Variants in SLC13A3 observed in about 807,000 individuals in gnomAD.
SLC13A3 encodes Na(+)/dicarboxylate cotransporter 3.
A neutral mutation model predicts 59.0 loss-of-function variants in SLC13A3; 40 were observed. The ratio of observed to expected loss-of-function variants is 0.68; its 90% CI spans 0.53 to 0.88. SLC13A3 has a LOEUF of 0.88. Among genes scored for constraint, SLC13A3 ranks in the 40% least tolerant of loss-of-function variants. The pLI is 0.00. For missense variants in SLC13A3, 699 were observed against 783.2 expected (o/e 0.89, Z 1.28); for synonymous variants, 317 against 330.3 (o/e 0.96, Z 0.44).
intron 8 of SLC13A3, chr20:46,585,410 A>G: frequency 2.0e-6 from 2 of 994,856 alleles, no homozygotes. Flanking sequence ...TTGAAATTCA[A>G]TACAAAATTA....
chr20:46,587,098 G>A (rs1011415079), intron 8 of SLC13A3, among the ~76,000 whole-genome samples: 4 of 152,222 alleles, frequency 2.6e-5, no homozygotes, highest in Middle Eastern at 3.4e-3. Flanking sequence ...AAAAGACACG[G>A]GCCATCTAGA....
intron 6 of SLC13A3, among the ~76,000 whole-genome samples, chr20:46,590,550 T>G (rs2062242889): frequency 6.6e-6 from 1 of 152,192 alleles, no homozygotes; most frequent in South Asian, 2.1e-4. Context: ...AGAAAATACC[T>G]ATGAACAAAC....
chr20:46,651,541 G>T, upstream of SLC13A3: 1 of 1,318,418 alleles, frequency 7.6e-7, no homozygotes, highest in African/African-American at 1.5e-5. Context: ...CCCTCTCCCT[G>T]CTCCTCCTGG....
Position 46,596,320 on chromosome 20 carries a change from C to T in SLC13A3, c.631G>A (p.Glu211Lys), listed in dbSNP as rs2062312457. Residue 211 changes from glutamate (E) to lysine (K), a missense_variant, in exon 5 of 13, where the codon GAG (glutamate) becomes AAG (lysine). Transcript: ENST00000279027. ...TCAGCCGGCAGATCCAGTGGAACCTCTGTCTCCCCAGGGTGGTCTTTGCTT... is the reference window on the plus strand; with the variant it reads ...TCAGCCGGCAGATCCAGTGGAACCTTTGTCTCCCCAGGGTGGTCTTTGCTT... ...TEAKDHPGET[E>K]VPLDLPADSR... 1.2e-6 allele frequency: 2 copies of T among 1,614,188 alleles called. No individual in the cohort carries two copies. Among genetic ancestry groups the T allele is most frequent in the African/African-American group, 2.7e-5 (2 of 75,048 alleles).
chr20:46,620,624 T>C (rs928084205), intron 1 of SLC13A3, among the ~76,000 whole-genome samples: 2 of 152,190 alleles, frequency 1.3e-5, no homozygotes, highest in Non-Finnish European at 2.9e-5. Context: ...GGGATGAGAC[T>C]ATGTTGAAGA....
rs1290381757 is a variant in SLC13A3, at chr20:46,631,177, C to T, written c.112-17452G>A. On this transcript the variant is annotated intron_variant, in intron 1 of 12. Coordinates refer to ENST00000279027, the MANE Select transcript of SLC13A3 (RefSeq NM_022829.6). Reference sequence around the variant, plus strand: ...CCCCAGGGGACACGTTTTAGTCTCACGACTGGTGGAGGGTGCTCCTGGCAT... The same window carrying T: ...CCCCAGGGGACACGTTTTAGTCTCATGACTGGTGGAGGGTGCTCCTGGCAT... 3.3e-5 allele frequency among the ~76,000 whole-genome samples: 5 copies of T among 152,140 alleles called. No individual in the cohort carries two copies. In the South Asian group the frequency reaches 6.2e-4, roughly 19 times the overall value.
chr20:46,577,460 G>A (rs566043480), intron 9 of SLC13A3, among the ~76,000 whole-genome samples: 7 of 152,306 alleles, frequency 4.6e-5, no homozygotes, highest in Admixed American at 2.6e-4. Flanking sequence ...ATAAAATGTC[G>A]TTTCATTAAA....
At chr20:46,655,075 C>G (rs2062974459), upstream of SLC13A3, among the ~76,000 whole-genome samples, 1 of 151,924 alleles carries the variant, frequency 6.6e-6, no homozygotes, top group Admixed American at 6.6e-5. Flanking sequence ...ATTTCTCTTT[C>G]TCTTGAATAA....
Position 46,594,824 on chromosome 20 carries a change from A to G in SLC13A3, c.794+1333T>C, listed in dbSNP as rs185918655. 7.2e-5 allele frequency among the ~76,000 whole-genome samples: 11 copies of G among 152,136 alleles called. No homozygotes were observed. In the East Asian group the frequency reaches 2.1e-3, roughly 29 times the overall value. On this transcript the variant is annotated intron_variant, in intron 5 of 12. Coordinates refer to ENST00000279027, the MANE Select transcript of SLC13A3 (RefSeq NM_022829.6). The stretch of plus-strand genomic sequence containing the variant: ...TAAAATCAAAGCATTTTGGAAGCTG[A>G]GAATGTATTGGCAATTCATCTCACT...
At chr20:46,589,286 C>A in intron 6 of SLC13A3, 31 bp from the exon 7 acceptor site, 1 of 1,584,818 alleles carries the variant, frequency 6.3e-7, no homozygotes, top group African/African-American at 1.3e-5. Flanking sequence ...TTAGGAGTGG[C>A]CACTGCAGGT....
rs1195851958 is a variant in SLC13A3, at chr20:46,563,415, A to G, written c.1631T>C (p.Met544Thr). The G allele has an allele frequency of 1.2e-6, 2 of 1,613,598 alleles. No individual in the cohort carries two copies. Among genetic ancestry groups the G allele is most frequent in the Non-Finnish European group, 1.7e-6 (2 of 1,179,768 alleles). The change falls in exon 12 of 13, where the codon ATG (methionine) becomes ACG (threonine). Residue 544 changes from methionine (M) to threonine (T), a missense_variant and splice_region_variant. By Grantham distance (81) the Met-to-Thr change is moderately conservative. Transcript: ENST00000279027. ...CTGCTGGGAAATGCCCAGACTCACC[A>G]TGTCTTTGACCAGCAAGTGTCCAGA... ...FASGHLLVKD[M>T]VRTGLLMNLM... is the part of the protein sequence containing the mutation.
At chr20:46,678,210 C>A (rs926478588) in intron 1 of SLC13A3, among the ~76,000 whole-genome samples, 2 of 152,172 alleles carry the variant, frequency 1.3e-5, no homozygotes, top group Admixed American at 1.3e-4. Flanking sequence ...GGGTTCTCAC[C>A]TCCCAGGCCT....
chr20:46,654,426 A>G (rs1278064366), upstream of SLC13A3, among the ~76,000 whole-genome samples: 1 of 152,190 alleles, frequency 6.6e-6, no homozygotes, highest in Non-Finnish European at 1.5e-5. Context: ...ACCTTACTTC[A>G]TGCCCCTTTG....
In SLC13A3 at chr20:46,613,651, C is replaced by T. The variant is rs779144268; in HGVS notation, c.186G>A (p.Thr62=). 1.2e-5 allele frequency: 20 copies of T among 1,612,164 alleles called. No individual in the cohort carries two copies. Among genetic ancestry groups the T allele is most frequent in the East Asian group, 2.2e-5 (1 of 44,820 alleles). Residue 62 remains threonine (T), a synonymous_variant, in exon 2 of 13, where the codon ACG becomes ACA. Transcript: ENST00000279027. ...WCTEALPLSV[T]ALLPIVLFPF... is the part of the protein sequence containing the mutation. ...GGAAGAGGACGATGGGCAGCAGCGCCGTCACTGAGAGCGGCAGGGCCTCCG... is the reference window on the plus strand; with the variant it reads ...GGAAGAGGACGATGGGCAGCAGCGCTGTCACTGAGAGCGGCAGGGCCTCCG...
At chr20:46,591,044 C>T (rs556093441) in intron 6 of SLC13A3, among the ~76,000 whole-genome samples, 59 of 151,158 alleles carry the variant, frequency 3.9e-4, no homozygotes, top group Non-Finnish European at 7.4e-4. Flanking sequence ...GTGGCAAGAG[C>T]CTGTAGTCCC....
At chr20:46,574,919 C>T (rs1368514073) in intron 10 of SLC13A3, among the ~76,000 whole-genome samples, 2 of 149,908 alleles carry the variant, frequency 1.3e-5, no homozygotes, top group Non-Finnish European at 3.0e-5. Context: ...CTCCACTGTA[C>T]TCCAGCCTAG....
chr20:46,626,894 C>T (rs997662697), intron 1 of SLC13A3, among the ~76,000 whole-genome samples: 4 of 152,110 alleles, frequency 2.6e-5, no homozygotes, highest in Non-Finnish European at 5.9e-5. Flanking sequence ...CTTGACCCCA[C>T]GCACCCCCTT....
intron 1 of SLC13A3, among the ~76,000 whole-genome samples, chr20:46,657,218 T>A (rs969183997): frequency 6.6e-6 from 1 of 152,054 alleles, no homozygotes; most frequent in Non-Finnish European, 1.5e-5. Context: ...GGCTTCTACC[T>A]CCAGGAAGTA....
intron 4 of SLC13A3, 83 bp downstream of exon 4, chr20:46,599,888 A>G: frequency 9.0e-7 from 1 of 1,106,284 alleles, no homozygotes. Context: ...GATGGGAGGA[A>G]AATGGTTTGC....
Sources: allele counts gnomAD v4.1 joint callset (sites outside exome capture counted in the v4.1 genomes callset), GRCh38; gene constraint gnomAD v4.1.1; transcripts MANE v1.5; gene names NCBI Gene and HGNC (gene_info 2026-07-23, HGNC 2026-07-21).